Variants in PCDHGB1 observed in about 807,000 individuals in gnomAD.
PCDHGB1 encodes protocadherin gamma subfamily B, 1, also known as protocadherin gamma-B1.
PCDHGB1 carries 34 observed loss-of-function variants against 56.6 expected under a neutral mutation model. The observed-to-expected ratio is 0.60, with a 90% CI of 0.46 to 0.80. PCDHGB1 has a LOEUF of 0.80. Among genes scored for constraint, PCDHGB1 ranks in the 30% least tolerant of loss-of-function variants. The pLI, the probability that PCDHGB1 is intolerant of heterozygous loss-of-function variation, is 0.00. For synonymous variants in PCDHGB1, 561 were observed against 505.9 expected (o/e 1.11, Z -1.46); for missense variants, 1,278 against 1,204.6 (o/e 1.06, Z -0.90).
chr5:141,357,534 G>T (rs1412443239), intron 1 of PCDHGB1: 1 of 1,614,206 alleles, frequency 6.2e-7, no homozygotes, highest in Non-Finnish European at 8.5e-7. Context: ...ATGCAGACAC[G>T]CTCATCAGCC....
At chr5:141,400,684 G>GT (rs1422516327) in intron 1 of PCDHGB1, 1 of 834,872 alleles carries the variant, frequency 1.2e-6, no homozygotes, top group African/African-American at 1.7e-5. Flanking sequence ...TAAATTGTGA[G>GT]TTTTTATGTC....
intron 1 of PCDHGB1, among the ~76,000 whole-genome samples, chr5:141,386,310 A>G (rs891781671): frequency 6.6e-6 from 1 of 152,216 alleles, no homozygotes; most frequent in African/African-American, 2.4e-5. Flanking sequence ...AGCTCAGTAT[A>G]TCAAGTGATT....
chr5:141,376,761 A>G (rs1179580742), intron 1 of PCDHGB1: 1 of 431,306 alleles, frequency 2.3e-6, no homozygotes, highest in African/African-American at 2.3e-5. Flanking sequence ...ATCTCGGCTC[A>G]CTGCAAGCTC....
chr5:141,500,403 G>GT (rs2099800018), intron 2 of PCDHGB1, among the ~76,000 whole-genome samples: 1 of 151,706 alleles, frequency 6.6e-6, no homozygotes, highest in Non-Finnish European at 1.5e-5. Context: ...TAGAGACGGG[G>GT]TTTCACCGTG....
intron 1 of PCDHGB1, chr5:141,417,918 T>C (rs1371704441): frequency 1.2e-6 from 2 of 1,605,528 alleles, no homozygotes; most frequent in Non-Finnish European, 8.5e-7. Context: ...CTATTTCCTT[T>C]GCTGCTGCCT....
intron 1 of PCDHGB1, among the ~76,000 whole-genome samples, chr5:141,464,076 C>A (rs561982216): frequency 3.1e-4 from 47 of 152,132 alleles, no homozygotes; most frequent in African/African-American, 9.4e-4. Context: ...GCCAGCCTGG[C>A]CAACATGGTG....
intron 1 of PCDHGB1, chr5:141,389,656 C>T (rs763730959): frequency 1.2e-6 from 2 of 1,612,538 alleles, no homozygotes; most frequent in Non-Finnish European, 1.7e-6. Context: ...AAGGTAGTGG[C>T]GGTGGACGCA....
chr5:141,455,860 A>ATTATTTATTTAT (rs145569377), intron 1 of PCDHGB1, among the ~76,000 whole-genome samples: 9 of 139,836 alleles, frequency 6.4e-5, no homozygotes, highest in African/African-American at 7.9e-5. Context: ...AATTTCTTTT[A>ATTATTTATTTAT]TTATTTATTT....
chr5:141,488,837 C>A (rs550655328), intron 1 of PCDHGB1, among the ~76,000 whole-genome samples: 1 of 152,280 alleles, frequency 6.6e-6, no homozygotes, highest in African/African-American at 2.4e-5. Context: ...GCCAAGGGGG[C>A]TGAATCAACC....
At chr5:141,448,802 A>G (rs897172074) in intron 1 of PCDHGB1, among the ~76,000 whole-genome samples, 14 of 152,044 alleles carry the variant, frequency 9.2e-5, no homozygotes, top group Non-Finnish European at 1.8e-4. Flanking sequence ...AAAATTAGCC[A>G]GGCGTGATGG....
intron 1 of PCDHGB1, chr5:141,385,358 T>C (rs1470867728): frequency 6.5e-7 from 1 of 1,546,418 alleles, no homozygotes; most frequent in Non-Finnish European, 8.7e-7. Flanking sequence ...CCATGAGGAA[T>C]TTATTTGCAT....
intron 1 of PCDHGB1, chr5:141,356,276 C>A (rs1471282660): frequency 2.1e-5 from 33 of 1,559,972 alleles, no homozygotes; most frequent in Non-Finnish European, 2.8e-5. Flanking sequence ...GTCCAGGAAT[C>A]TTCTTCCCCG....
intron 1 of PCDHGB1, among the ~76,000 whole-genome samples, chr5:141,445,961 G>T (rs944876169): frequency 1.3e-5 from 2 of 152,158 alleles, no homozygotes; most frequent in Non-Finnish European, 2.9e-5. Context: ...GCTATATGGA[G>T]AATTGATTTA....
intron 1 of PCDHGB1, chr5:141,415,739 G>GGT (rs2095908308): frequency 2.3e-6 from 1 of 434,538 alleles, no homozygotes; most frequent in East Asian, 5.9e-5. Context: ...TGTTTATTAA[G>GGT]GTTTTTTTTT....
In PCDHGB1 at chr5:141,432,827, A is replaced by G. The variant is rs758445645; in HGVS notation, c.2410-61980A>G. ...AGCTAACTCTGAAACCTCAGACCTC[A>G]CTCTGTACCTGGTGGTAGCGGTGGC... On this transcript the variant is annotated intron_variant, in intron 1 of 3. Transcript: ENST00000523390. The surrounding 1 kb of genome is among the most constrained non-coding windows in gnomAD (Gnocchi z 6.0). 9 of 1,613,142 alleles carry G rather than the reference A, an allele frequency of 5.6e-6. No individual in the cohort carries two copies. Among genetic ancestry groups the G allele is most frequent in the Admixed American group, 1.7e-5 (1 of 59,958 alleles).
At chr5:141,430,351 A>G (rs923321842) in intron 1 of PCDHGB1, among the ~76,000 whole-genome samples, 5 of 152,046 alleles carry the variant, frequency 3.3e-5, no homozygotes, top group African/African-American at 1.2e-4. Flanking sequence ...CAATTCATTT[A>G]AAAGCTCATT....
intron 1 of PCDHGB1, chr5:141,364,195 A>G: frequency 9.3e-7 from 1 of 1,073,724 alleles, no homozygotes; most frequent in East Asian, 2.8e-5. Context: ...CTAAACACAC[A>G]GACCAGACAA....
chr5:141,426,559 C>T (rs1401963895), intron 1 of PCDHGB1: 1 of 353,038 alleles, frequency 2.8e-6, no homozygotes, highest in Non-Finnish European at 5.6e-6. Context: ...CAGAATAGAT[C>T]GAGAGTCACT....
intron 2 of PCDHGB1, among the ~76,000 whole-genome samples, chr5:141,499,029 A>G (rs140948405): frequency 1.5e-3 from 205 of 140,068 alleles, no homozygotes; most frequent in African/African-American, 5.5e-3. Context: ...AGGAAGGAAG[A>G]AAAGAAAGAA....
Sources: gnomAD v4.1 joint callset for allele counts (sites outside exome capture counted in the v4.1 genomes callset) on GRCh38, gnomAD v4.1.1 for gene constraint, Gnocchi (gnomAD v3.1) non-coding constraint, MANE v1.5 for transcripts, NCBI Gene and HGNC (gene_info 2026-07-23, HGNC 2026-07-21) for gene names.